CCL26: variants seen among roughly 807,000 people sequenced by gnomAD.
CCL26 encodes the protein C-C motif chemokine 26.
Under a neutral mutation model 10.7 loss-of-function variants are expected in CCL26, and 10 were observed. That is an observed-to-expected ratio of 0.93 (90% CI 0.57 to 1.58). The LOEUF is 1.58. Ranked by LOEUF, CCL26 falls within the 40% of genes most tolerant of loss-of-function variation. The pLI is 0.00. For synonymous variants in CCL26, 43 were observed against 41.4 expected (o/e 1.04, Z -0.15); for missense variants, 116 against 111.0 (o/e 1.05, Z -0.20).
At chr7:75,786,450 C>T (rs568265507) in intron 1 of CCL26, among the ~76,000 whole-genome samples, 25 of 152,316 alleles carry the variant, frequency 1.6e-4, no homozygotes, top group Middle Eastern at 3.4e-3. Context: ...AAAGGGACTA[C>T]GCGTCAATAT....
intron 1 of CCL26, among the ~76,000 whole-genome samples, chr7:75,777,620 A>T (rs1219812412): frequency 6.8e-6 from 1 of 146,714 alleles, no homozygotes; most frequent in African/African-American, 2.5e-5. Flanking sequence ...TTGGTGGTAC[A>T]TGCCTTTGGT....
chr7:75,776,543 AGG>A (rs1554528723), upstream of CCL26, among the ~76,000 whole-genome samples: 1 of 101,692 alleles, frequency 9.8e-6, no homozygotes, highest in Non-Finnish European at 2.6e-5. Flanking sequence ...GAAGGAAGGA[AGG>A]AAGGAAGGAA....
intron 2 of CCL26, among the ~76,000 whole-genome samples, chr7:75,770,747 A>G (rs1585008186): frequency 1.4e-5 from 2 of 143,174 alleles, no homozygotes; most frequent in African/African-American, 2.6e-5. Context: ...CGCGATCTCT[A>G]CTCCTGCAAA....
At chr7:75,771,113 C>G (rs539893979) in intron 2 of CCL26, among the ~76,000 whole-genome samples, 147 of 149,034 alleles carry the variant, frequency 9.9e-4, no homozygotes, top group Non-Finnish European at 1.7e-3. Context: ...GGGATGAAGT[C>G]TCTCTGTGTT....
upstream of CCL26, chr7:75,772,268 C>T: frequency 1.1e-6 from 1 of 899,864 alleles, no homozygotes; most frequent in African/African-American, 1.7e-5. Context: ...AAAACAATTC[C>T]AGAGAATTCT....
chr7:75,788,531 G>T (rs1206199714), intron 1 of CCL26, among the ~76,000 whole-genome samples: 1 of 151,984 alleles, frequency 6.6e-6, no homozygotes, highest in Non-Finnish European at 1.5e-5. Flanking sequence ...CACAAAGCCT[G>T]TTTGGTGGTC....
At chr7:75,784,609 C>T (rs1554529782) in intron 1 of CCL26, among the ~76,000 whole-genome samples, 1 of 152,176 alleles carries the variant, frequency 6.6e-6, no homozygotes, top group Non-Finnish European at 1.5e-5. Flanking sequence ...AACTCCCCAA[C>T]TCTGGTGCCA....
At chr7:75,783,812 C>T (rs1465546157) in intron 1 of CCL26, among the ~76,000 whole-genome samples, 1 of 149,490 alleles carries the variant, frequency 6.7e-6, no homozygotes, top group African/African-American at 2.5e-5. Context: ...AAGAAAGAAA[C>T]TACCCAAGGT....
At chr7:75,786,633 G>A (rs1047598912) in intron 1 of CCL26, among the ~76,000 whole-genome samples, 5 of 152,140 alleles carry the variant, frequency 3.3e-5, no homozygotes, top group Admixed American at 1.3e-4. Context: ...ATCAGATCCC[G>A]TAGCTCAGGG....
upstream of CCL26, among the ~76,000 whole-genome samples, chr7:75,790,115 CTTTT>C (rs1301259059): frequency 6.8e-6 from 1 of 146,618 alleles, no homozygotes; most frequent in African/African-American, 2.5e-5. Context: ...TTTTCTCTTT[CTTTT>C]TCTTTCTTTC....
At chr7:75,777,398 C>T (rs553413465) in intron 1 of CCL26, among the ~76,000 whole-genome samples, 12 of 151,982 alleles carry the variant, frequency 7.9e-5, no homozygotes, top group South Asian at 2.1e-4. Context: ...AATACTATTC[C>T]GCAGTGAGAA....
At chr7:75,784,637 T>C (rs1387594875) in intron 1 of CCL26, among the ~76,000 whole-genome samples, 3 of 152,168 alleles carry the variant, frequency 2.0e-5, no homozygotes, top group Admixed American at 1.3e-4. Flanking sequence ...CAACATTCTT[T>C]TATGCACTCC....
chr7:75,778,628 C>CCT (rs1554529028), intron 1 of CCL26, among the ~76,000 whole-genome samples: 1 of 129,576 alleles, frequency 7.7e-6, no homozygotes, highest in East Asian at 2.3e-4. Context: ...GTTCTTTGCA[C>CCT]TTTTTTTTTT....
chr7:75,778,855 G>GGC (rs1803000186), intron 1 of CCL26, among the ~76,000 whole-genome samples: 6 of 151,840 alleles, frequency 4.0e-5, no homozygotes, highest in African/African-American at 1.5e-4. Flanking sequence ...AGGTGGGGGG[G>GGC]GCAGATCACT....
intron 1 of CCL26, among the ~76,000 whole-genome samples, chr7:75,783,523 G>A (rs566957522): frequency 6.6e-6 from 1 of 152,278 alleles, no homozygotes; most frequent in South Asian, 2.1e-4. Flanking sequence ...CTACCAGCCA[G>A]GCACGGTGGC....
At chr7:75,774,959 C>A (rs528059071), upstream of CCL26, among the ~76,000 whole-genome samples, 1 of 151,950 alleles carries the variant, frequency 6.6e-6, no homozygotes, top group East Asian at 1.9e-4. Context: ...GTGGCTCACC[C>A]CTGTAATGCC....
chr7:75,782,394 T>C (rs529266582), intron 1 of CCL26, among the ~76,000 whole-genome samples: 2 of 152,088 alleles, frequency 1.3e-5, no homozygotes, highest in Admixed American at 6.6e-5. Context: ...ATTCCCTTGG[T>C]GGCAAGTCAA....
At chr7:75,779,643 C>A (rs546816873) in intron 1 of CCL26, among the ~76,000 whole-genome samples, 1 of 152,200 alleles carries the variant, frequency 6.6e-6, no homozygotes, top group Middle Eastern at 3.2e-3. Flanking sequence ...GTCATGGACT[C>A]GGGAAGACAG....
intron 1 of CCL26, among the ~76,000 whole-genome samples, chr7:75,785,598 A>C (rs1194603909): frequency 6.6e-6 from 1 of 152,082 alleles, no homozygotes; most frequent in African/African-American, 2.4e-5. Context: ...AACACCTTCT[A>C]CTTAACAACA....
Sources: allele counts gnomAD v4.1 joint callset (sites outside exome capture counted in the v4.1 genomes callset), GRCh38; gene constraint gnomAD v4.1.1; transcripts MANE v1.5; gene names NCBI Gene and HGNC (gene_info 2026-07-23, HGNC 2026-07-21).